JAKMIP3: variants seen among roughly 807,000 people sequenced by gnomAD.
The protein encoded by JAKMIP3 is janus kinase and microtubule-interacting protein 3.
Under a neutral mutation model 118.5 loss-of-function variants are expected in JAKMIP3, and 58 were observed. The observed-to-expected ratio is 0.49, with a 90% CI of 0.40 to 0.61. JAKMIP3 has a LOEUF of 0.61. JAKMIP3 is among the 20% of genes least tolerant of loss of function. The pLI is 0.00. For synonymous variants in JAKMIP3, 486 were observed against 451.2 expected (o/e 1.08, Z -0.98); for missense variants, 950 against 1,109.0 (o/e 0.86, Z 2.04).
In JAKMIP3 at chr10:132,168,291, G is replaced by A. The variant is rs760036882; in HGVS notation, c.*361G>A. ...AAGCAGGGGTGAGAACTGCTTCTGTGCAGAAGCACCAGCCGCGGGTCCCCT... is the reference window on the plus strand; with the variant it reads ...AAGCAGGGGTGAGAACTGCTTCTGTACAGAAGCACCAGCCGCGGGTCCCCT... On this transcript the variant is annotated 3_prime_UTR_variant, in exon 23 of 24. Transcript: ENST00000684848. 1 of 1,289,194 alleles carries A rather than the reference G, an allele frequency of 7.8e-7. No homozygotes were observed. The allele number at this position is 1,289,194 out of a possible 1,614,324, so 79.9% of individuals were successfully genotyped here.
At chr10:132,154,078 GC>G in intron 19 of JAKMIP3, 88 bp downstream of exon 19, 1 of 1,204,964 alleles carries the variant, frequency 8.3e-7, no homozygotes, top group Non-Finnish European at 1.2e-6. Flanking sequence ...TGCCTCAGGT[GC>G]CCATGTGGGC....
In JAKMIP3 at chr10:132,117,036, C is replaced by T. The variant is rs774680296; in HGVS notation, c.136-41C>T. The T allele has an allele frequency of 6.4e-7, 1 of 1,569,234 alleles. No individual in the cohort carries two copies. The highest frequency in any genetic ancestry group is 1.7e-5 in the Admixed American group (1 of 57,436). On this transcript the variant is annotated intron_variant, in intron 2 of 23. Coordinates refer to ENST00000684848, the MANE Select transcript of JAKMIP3 (RefSeq NM_001323087.2). The surrounding 1 kb of genome is among the most constrained non-coding windows in gnomAD (Gnocchi z 8.6). ...CATTCAGGTGTGAGTGTGTGCATGG[C>T]TGGAGCTCCTGCCACACTCAGTCTC...
chr10:132,058,946 C>T (rs541650598), intron 1 of JAKMIP3, among the ~76,000 whole-genome samples: 5 of 152,218 alleles, frequency 3.3e-5, no homozygotes, highest in Non-Finnish European at 1.5e-5. Flanking sequence ...CATCGCGTCG[C>T]GCCCACGTGA....
intron 23 of JAKMIP3, among the ~76,000 whole-genome samples, chr10:132,175,253 C>A (rs1047666835): frequency 6.6e-6 from 1 of 152,156 alleles, no homozygotes; most frequent in African/African-American, 2.4e-5. Flanking sequence ...TTTAAAACAC[C>A]TGTGATTCAC....
At chr10:132,145,703 C>T (rs957877014) in intron 13 of JAKMIP3, 123 bp downstream of exon 13, 4 of 796,350 alleles carry the variant, frequency 5.0e-6, no homozygotes, top group Non-Finnish European at 2.1e-6. Context: ...GTCCCAGGCC[C>T]CTTCTGCTCT....
At chr10:132,177,524 G>GTC (rs2060261698) in intron 23 of JAKMIP3, among the ~76,000 whole-genome samples, 1 of 145,610 alleles carries the variant, frequency 6.9e-6, no homozygotes, top group Non-Finnish European at 1.5e-5. Context: ...CCTGGGTAGT[G>GTC]TGTGTGTGTG....
intron 3 of JAKMIP3, among the ~76,000 whole-genome samples, chr10:132,122,011 C>T (rs2048614906): frequency 5.3e-5 from 8 of 152,236 alleles, no homozygotes; most frequent in Admixed American, 4.6e-4. Context: ...GCCAGCAAAG[C>T]CTCCTGTCTT....
At chr10:132,038,324 G>C (rs533880445) in intron 1 of JAKMIP3, among the ~76,000 whole-genome samples, 1 of 152,122 alleles carries the variant, frequency 6.6e-6, no homozygotes, top group Non-Finnish European at 1.5e-5. Flanking sequence ...GGGAGCCCAC[G>C]CACAGGGCAC....
chr10:132,117,592 G>T lies in JAKMIP3; in HGVS notation c.633+18G>T. 1 of 905,148 alleles carries T rather than the reference G, an allele frequency of 1.1e-6. No individual in the cohort carries two copies. The highest frequency in any genetic ancestry group is 3.9e-4 in the Middle Eastern group (1 of 2,582). 56.1% of individuals were successfully genotyped at this position (905,148 alleles called of 1,614,324 possible). A position where few individuals can be genotyped will look rare whatever the true frequency, so the allele number is the denominator to read the frequency against. ...GCAGGCTGGTACGTGGGCAGGCAGG[G>T]GCGGGCGTGGGCGAGGGTGCAGGGG... On this transcript the variant is annotated intron_variant, in intron 3 of 23. Transcript: ENST00000684848. The surrounding 1 kb of genome is among the most constrained non-coding windows in gnomAD (Gnocchi z 8.6).
At chr10:132,056,881 C>T (rs2038251779) in intron 1 of JAKMIP3, among the ~76,000 whole-genome samples, 1 of 152,088 alleles carries the variant, frequency 6.6e-6, no homozygotes, top group African/African-American at 2.4e-5. Context: ...CTCGGGGGTC[C>T]AGCTCCCACC....
chr10:132,147,013 G>A (rs7914962), intron 13 of JAKMIP3, among the ~76,000 whole-genome samples: 95,977 of 152,152 alleles, frequency 0.63, 31,007 homozygotes, highest in East Asian at 0.92. Flanking sequence ...TGCACACAGA[G>A]ATGCTGGCAC....
intron 14 of JAKMIP3, among the ~76,000 whole-genome samples, 188 bp from the exon 15 acceptor site, chr10:132,149,224 C>A (rs1423322782): frequency 6.6e-6 from 1 of 152,078 alleles, no homozygotes; most frequent in African/African-American, 2.4e-5. Context: ...CAGGGGCAGT[C>A]CTTGTGGGCA....
chr10:132,100,894 A>G (rs2044779583), intron 1 of JAKMIP3, among the ~76,000 whole-genome samples: 1 of 152,148 alleles, frequency 6.6e-6, no homozygotes, highest in South Asian at 2.1e-4. Flanking sequence ...GGCGGGAAGG[A>G]AGAGCTTGCC....
intron 9 of JAKMIP3, among the ~76,000 whole-genome samples, chr10:132,140,130 G>A (rs113820883): frequency 1.1e-4 from 16 of 152,332 alleles, no homozygotes; most frequent in African/African-American, 2.9e-4. Flanking sequence ...ACCCATCGTC[G>A]GTTCTGTTAA....
At chr10:132,070,739 G>T (rs929376704) in intron 1 of JAKMIP3, among the ~76,000 whole-genome samples, 2 of 152,068 alleles carry the variant, frequency 1.3e-5, no homozygotes, top group Non-Finnish European at 2.9e-5. Context: ...GCCCCCAAAG[G>T]CCCTATGATC....
intron 1 of JAKMIP3, among the ~76,000 whole-genome samples, chr10:132,041,494 G>A (rs2037745856): frequency 1.3e-5 from 2 of 152,258 alleles, no homozygotes; most frequent in African/African-American, 4.8e-5. Context: ...AACACCAGGA[G>A]CCAGTGTGGC....
chr10:132,162,756 GTGTATTTTGGCTGCTGGGTTATTA>G lies in JAKMIP3; in HGVS notation c.2221-435_2221-412del, dbSNP rs11274586. 6.7e-5 allele frequency among the ~76,000 whole-genome samples: 10 copies of G among 150,314 alleles called. No homozygotes were observed. The South Asian group carries it at 8.6e-4, about 13-fold the overall frequency. On this transcript the variant is annotated intron_variant, in intron 19 of 23. Coordinates refer to ENST00000684848, the MANE Select transcript of JAKMIP3 (RefSeq NM_001323087.2). ...AAACCCCAGGAATTCATGAAAAGGT[GTGTATTTTGGCTGCTGGGTTATTA>G]TGTATTTTGGCTGCTGGTTATAGCA...
At chr10:132,132,383 C>T (rs189166065) in intron 3 of JAKMIP3, among the ~76,000 whole-genome samples, 215 of 152,238 alleles carry the variant, frequency 1.4e-3, no homozygotes, top group African/African-American at 5.1e-3. Flanking sequence ...CCCAAAGTGC[C>T]GAGCGTGTCT....
intron 3 of JAKMIP3, among the ~76,000 whole-genome samples, chr10:132,124,464 G>A (rs1025302589): frequency 4.0e-5 from 6 of 148,620 alleles, no homozygotes; most frequent in Admixed American, 3.4e-4. Flanking sequence ...CCGGTGGGCC[G>A]CGCCATACAC....
Sources: allele counts gnomAD v4.1 joint callset (sites outside exome capture counted in the v4.1 genomes callset), GRCh38; gene constraint gnomAD v4.1.1; non-coding constraint Gnocchi (gnomAD v3.1); transcripts MANE v1.5; gene names NCBI Gene and HGNC (gene_info 2026-07-23, HGNC 2026-07-21).